Variants in TRAK2 observed in about 807,000 individuals in gnomAD.
TRAK2 encodes trafficking kinesin-binding protein 2.
Under a neutral mutation model 104.6 loss-of-function variants are expected in TRAK2, and 81 were observed. The ratio of observed to expected loss-of-function variants is 0.77; its 90% CI spans 0.65 to 0.93. The LOEUF (loss-of-function observed/expected upper bound fraction) is 0.93, where lower values mean the gene tolerates loss of function less well. TRAK2 is among the 40% of genes least tolerant of loss of function. The probability of loss-of-function intolerance (pLI) is 0.00; values close to 1 mark genes in which losing one functional copy is unlikely to be tolerated. For synonymous variants in TRAK2, 406 were observed against 394.4 expected (o/e 1.03, Z -0.35); for missense variants, 1,002 against 1,089.0 (o/e 0.92, Z 1.12).
chr2:201,416,832 T>C (rs954454967), intron 2 of TRAK2, among the ~76,000 whole-genome samples: 6 of 151,590 alleles, frequency 4.0e-5, no homozygotes, highest in Non-Finnish European at 5.9e-5. Context: ...GTATAGCTAA[T>C]ATGTCAACAG....
At chr2:201,428,843 T>C (rs925417170) in intron 1 of TRAK2, among the ~76,000 whole-genome samples, 5 of 152,200 alleles carry the variant, frequency 3.3e-5, no homozygotes, top group Admixed American at 3.3e-4. Context: ...TTTTATTTCG[T>C]TGAGCAGTGG....
intron 10 of TRAK2, among the ~76,000 whole-genome samples, chr2:201,390,208 T>A (rs1410871609): frequency 6.7e-6 from 1 of 148,998 alleles, no homozygotes; most frequent in Non-Finnish European, 1.5e-5. Context: ...TATTTAACAA[T>A]TTTTTTTTTG....
chr2:201,420,591 G>T lies in TRAK2; in HGVS notation c.-84C>A. 8.7e-7 allele frequency: 1 copy of T among 1,145,674 alleles called. No homozygotes were observed. The highest frequency in any genetic ancestry group is 1.3e-5 in the South Asian group (1 of 78,618). 71.0% of individuals were successfully genotyped at this position (1,145,674 alleles called of 1,614,324 possible). A position where few individuals can be genotyped will look rare whatever the true frequency, so the allele number is the denominator to read the frequency against. On this transcript the variant is annotated 5_prime_UTR_variant, in exon 2 of 16. An upstream open reading frame in the 5' UTR gains an earlier in-frame stop. Transcript: ENST00000332624. ...GAAATCCATCAAGCCATTCAATAAT[G>T]AAATGGATTTGGTCACATGGATATT...
chr2:201,413,288 T>C, intron 2 of TRAK2: 1 of 1,275,226 alleles, frequency 7.8e-7, no homozygotes, highest in Admixed American at 1.9e-5. Context: ...TACTCTTCAA[T>C]TTATTAAACA....
intron 5 of TRAK2, among the ~76,000 whole-genome samples, chr2:201,398,846 T>C (rs1004548309): frequency 6.6e-5 from 10 of 152,112 alleles, no homozygotes; most frequent in Non-Finnish European, 1.3e-4. Context: ...TCAAATGCTA[T>C]CATCCATAAT....
chr2:201,441,794 C>T (rs1156397101), intron 1 of TRAK2, among the ~76,000 whole-genome samples: 2 of 151,010 alleles, frequency 1.3e-5, no homozygotes, highest in Admixed American at 1.3e-4. Flanking sequence ...CGGGTTTAAG[C>T]GATTCTCCTG....
At chr2:201,406,556 C>T (rs1375844812) in intron 3 of TRAK2, among the ~76,000 whole-genome samples, 11 of 152,126 alleles carry the variant, frequency 7.2e-5, no homozygotes, top group Non-Finnish European at 1.2e-4. Flanking sequence ...CCTTCTCCAA[C>T]GACAATCTGG....
At chr2:201,423,297 T>A (rs887952284) in intron 1 of TRAK2, among the ~76,000 whole-genome samples, 1 of 152,212 alleles carries the variant, frequency 6.6e-6, no homozygotes, top group Non-Finnish European at 1.5e-5. Context: ...ATTCTGGTAC[T>A]GATACATGCT....
chr2:201,447,842 T>G lies in TRAK2; in HGVS notation c.-200+3508A>C, dbSNP rs1230321122. On this transcript the variant is annotated intron_variant, in intron 1 of 15. Transcript: ENST00000332624. This position sits in a 1 kb window ranked among gnomAD's most constrained non-coding sequence, Gnocchi z 4.1. ...TTCCCATTTGTTTTCCCAAGACTGGTCCAAGCCTTCCCACTCCAGAGTAAC... is the reference window on the plus strand; with the variant it reads ...TTCCCATTTGTTTTCCCAAGACTGGGCCAAGCCTTCCCACTCCAGAGTAAC... Among the ~76,000 whole-genome samples, 1 of 152,196 alleles carries G rather than the reference T, an allele frequency of 6.6e-6. No individual in the cohort carries two copies.
chr2:201,408,692 A>G (rs1951618114), intron 2 of TRAK2, among the ~76,000 whole-genome samples: 1 of 152,244 alleles, frequency 6.6e-6, no homozygotes. Context: ...TTTTAAAAAT[A>G]AAGTGAAAGA....
intron 1 of TRAK2, among the ~76,000 whole-genome samples, chr2:201,429,111 C>A (rs13382356): frequency 0.16 from 23,667 of 152,164 alleles, 3,689 homozygotes; most frequent in African/African-American, 0.39. Flanking sequence ...TGTCATCTCC[C>A]AACAGGGACA....
chr2:201,388,094 G>T, intron 12 of TRAK2, 93 bp from the exon 13 acceptor site: 2 of 1,327,122 alleles, frequency 1.5e-6, no homozygotes, highest in Non-Finnish European at 1.1e-6. Context: ...TCAAGAGACT[G>T]ATATTAAAAA....
chr2:201,429,132 T>G lies in TRAK2; in HGVS notation c.-199-8426A>C, dbSNP rs576238026. ...CTCCCAACAGGGACAGTTTGACTTC[T>G]TCTTTTCCTAATTGAATACCCTCTA... is the stretch of plus-strand genomic sequence containing the variant. On this transcript the variant is annotated intron_variant, in intron 1 of 15. Transcript: ENST00000332624. Among the ~76,000 whole-genome samples the G allele has an allele frequency of 2.0e-5, 3 of 152,346 alleles. No homozygotes were observed. In the South Asian group the frequency reaches 6.2e-4, roughly 32 times the overall value.
chr2:201,386,431 T>G lies in TRAK2; in HGVS notation c.1750A>C (p.Ile584Leu), dbSNP rs772243437. ...QQLAQPNLGT[I>L]LDPRPGVITK... ...ATGACACCTGGTCGTGGATCAAGGA[T>G]GGTTCCCAAGTTTGGTTGAGCAAGC... Residue 584 changes from isoleucine to leucine, a missense_variant, in exon 14 of 16, where the codon ATC (isoleucine) becomes CTC (leucine). Transcript: ENST00000332624. The G allele has an allele frequency of 8.1e-6, 13 of 1,614,164 alleles. No individual in the cohort carries two copies. Among genetic ancestry groups the G allele is most frequent in the African/African-American group, 1.3e-5 (1 of 75,042 alleles).
intron 11 of TRAK2, 109 bp from the exon 12 acceptor site, chr2:201,389,612 T>A (rs1006469675): frequency 2.6e-6 from 3 of 1,157,282 alleles, no homozygotes; most frequent in African/African-American, 3.1e-5. Context: ...AGGAGCTATT[T>A]AGGAGAAATC....
At chr2:201,426,650 T>G (rs955738164) in intron 1 of TRAK2, among the ~76,000 whole-genome samples, 1 of 152,172 alleles carries the variant, frequency 6.6e-6, no homozygotes, top group South Asian at 2.1e-4. Context: ...AATTCTTGCA[T>G]AGCAGAATAG....
intron 2 of TRAK2, chr2:201,411,123 G>T: frequency 2.2e-6 from 2 of 890,508 alleles, no homozygotes; most frequent in Non-Finnish European, 3.7e-6. Flanking sequence ...AGGTTTAGGG[G>T]TACTAACAGA....
At chr2:201,406,483 T>G (rs1254057961) in intron 3 of TRAK2, among the ~76,000 whole-genome samples, 1 of 152,178 alleles carries the variant, frequency 6.6e-6, no homozygotes, top group Non-Finnish European at 1.5e-5. Flanking sequence ...AGAAAAAAAT[T>G]CTAGGAAACT....
At chr2:201,443,251 GTCA>G (rs897639871) in intron 1 of TRAK2, among the ~76,000 whole-genome samples, 3 of 151,984 alleles carry the variant, frequency 2.0e-5, no homozygotes, top group East Asian at 1.9e-4. Flanking sequence ...CCCTCCTTGG[GTCA>G]TCAACAGTCC....
Sources: allele counts gnomAD v4.1 joint callset (sites outside exome capture counted in the v4.1 genomes callset), GRCh38; gene constraint gnomAD v4.1.1; non-coding constraint Gnocchi (gnomAD v3.1); transcripts MANE v1.5; gene names NCBI Gene and HGNC (gene_info 2026-07-23, HGNC 2026-07-21).